LMLN: variants seen among roughly 807,000 people sequenced by gnomAD.
LMLN encodes the protein leishmanolysin like peptidase, also known as leishmanolysin-like peptidase.
A neutral mutation model predicts 92.3 loss-of-function variants in LMLN; 70 were observed. That is an observed-to-expected ratio of 0.76 (90% CI 0.63 to 0.92). The LOEUF (loss-of-function observed/expected upper bound fraction) is 0.92. LMLN is among the 40% of genes least tolerant of loss of function. LMLN has a pLI of 0.00. For synonymous variants in LMLN, 308 were observed against 296.2 expected (o/e 1.04, Z -0.41); for missense variants, 691 against 814.6 (o/e 0.85, Z 1.85).
At chr3:198,003,028 A>G in intron 11 of LMLN, 1 of 1,549,838 alleles carries the variant, frequency 6.5e-7, no homozygotes, top group East Asian at 2.4e-5. Flanking sequence ...GTATAAAGCA[A>G]ATTACAGCAT....
At chr3:198,030,943 G>A (rs1386018479) in intron 14 of LMLN, among the ~76,000 whole-genome samples, 1 of 150,602 alleles carries the variant, frequency 6.6e-6, no homozygotes, top group Non-Finnish European at 1.5e-5. Flanking sequence ...GACAGCGTGG[G>A]AAGGCGGGAC....
chr3:197,973,796 G>T (rs1721295365), intron 1 of LMLN, among the ~76,000 whole-genome samples: 1 of 152,178 alleles, frequency 6.6e-6, no homozygotes, highest in Non-Finnish European at 1.5e-5. Flanking sequence ...GTTGTCCATT[G>T]CTGGAATTAT....
Position 198,000,737 on chromosome 3 carries a change from G to A in LMLN, c.1232+1395G>A, listed in dbSNP as rs532192325. On this transcript the variant is annotated intron_variant, in intron 11 of 15. Coordinates refer to ENST00000330198, the Ensembl canonical transcript of LMLN. Reference sequence around the variant, plus strand: ...GCCACCGTGCCCAGCATATCTCATCGAGTTTTATGAGACTTAAATGAGTAA... The same window carrying A: ...GCCACCGTGCCCAGCATATCTCATCAAGTTTTATGAGACTTAAATGAGTAA... Among the ~76,000 whole-genome samples the A allele has an allele frequency of 6.6e-5, 10 of 152,070 alleles. No homozygotes were observed. In the South Asian group the frequency reaches 1.9e-3, roughly 28 times the overall value.
At chr3:198,013,083 A>T (rs1179952984) in intron 11 of LMLN, among the ~76,000 whole-genome samples, 5 of 135,016 alleles carry the variant, frequency 3.7e-5, no homozygotes, top group African/African-American at 1.5e-4. Context: ...AACTAGTCTG[A>T]CTTCTCTCCA....
chr3:197,984,944 C>T (rs1721661807), intron 7 of LMLN, among the ~76,000 whole-genome samples: 1 of 152,038 alleles, frequency 6.6e-6, no homozygotes, highest in Non-Finnish European at 1.5e-5. Context: ...TCCCAAAGTG[C>T]TGGGATTACA....
intron 11 of LMLN, among the ~76,000 whole-genome samples, chr3:198,012,943 G>C (rs143656947): frequency 9.2e-6 from 1 of 108,938 alleles, no homozygotes; most frequent in East Asian, 2.4e-4. Context: ...TGACTTCTCT[G>C]TACCCTTCAG....
chr3:197,973,045 G>T (rs1016449215), intron 1 of LMLN, among the ~76,000 whole-genome samples: 12 of 152,184 alleles, frequency 7.9e-5, no homozygotes, highest in Non-Finnish European at 1.8e-4. Context: ...TCAAGCCAAA[G>T]TTAGACTTGC....
chr3:197,997,813 G>T (rs6789082), intron 10 of LMLN, among the ~76,000 whole-genome samples: 29,664 of 152,094 alleles, frequency 0.2, 4,483 homozygotes, highest in African/African-American at 0.42. Context: ...TGTATACTTG[G>T]ATCTACCCAT....
intron 6 of LMLN, 162 bp downstream of exon 6, chr3:197,980,666 GT>G: frequency 3.4e-6 from 2 of 593,892 alleles, no homozygotes; most frequent in Non-Finnish European, 5.8e-6. Context: ...TTAGGAGACC[GT>G]GATTAGACTG....
chr3:197,986,576 A>G (rs1296215708), intron 8 of LMLN, among the ~76,000 whole-genome samples: 1 of 152,246 alleles, frequency 6.6e-6, no homozygotes, highest in African/African-American at 2.4e-5. Flanking sequence ...TTAATCTTGA[A>G]GTATGAATGA....
At chr3:198,016,713 A>G (rs1722651230) in intron 11 of LMLN, among the ~76,000 whole-genome samples, 1 of 152,100 alleles carries the variant, frequency 6.6e-6, no homozygotes, top group Non-Finnish European at 1.5e-5. Context: ...TTATAACATC[A>G]CCTAAGACCA....
intron 13 of LMLN, among the ~76,000 whole-genome samples, chr3:198,021,839 G>A (rs1001793653): frequency 5.9e-5 from 9 of 152,184 alleles, no homozygotes; most frequent in African/African-American, 2.2e-4. Flanking sequence ...TGTAGTAAGT[G>A]CTTACAATTG....
rs1433388859 is a variant in LMLN, at chr3:197,974,365, T to C, written c.220-12T>C. The C allele has an allele frequency of 7.0e-7, 1 of 1,435,114 alleles. No homozygotes were observed. Among genetic ancestry groups the C allele is most frequent in the Admixed American group, 1.9e-5 (1 of 53,992 alleles). The allele number at this position is 1,435,114 out of a possible 1,614,324, so 88.9% of individuals were successfully genotyped here. A position where few individuals can be genotyped will look rare whatever the true frequency, so the allele number is the denominator to read the frequency against. On this transcript the variant is annotated splice_polypyrimidine_tract_variant and intron_variant, in intron 1 of 15. Transcript: ENST00000330198. ...TGTCTTAAACAGTTTTCAAATCCGT[T>C]CCTTTTTTCAGGTCATAAATAAAGT...
At chr3:197,964,581 T>C (rs1163585653) in intron 1 of LMLN, among the ~76,000 whole-genome samples, 1 of 151,844 alleles carries the variant, frequency 6.6e-6, no homozygotes, top group Non-Finnish European at 1.5e-5. Flanking sequence ...GTATTTTTAG[T>C]GGAGATGGGG....
At chr3:198,000,917 TA>T (rs1480822482) in intron 11 of LMLN, among the ~76,000 whole-genome samples, 1 of 139,106 alleles carries the variant, frequency 7.2e-6, no homozygotes, top group Non-Finnish European at 1.5e-5. Context: ...TTATTTTTAT[TA>T]TTTTTTTTTA....
chr3:198,033,687 C>T (rs1723136939), intron 14 of LMLN, among the ~76,000 whole-genome samples: 1 of 152,232 alleles, frequency 6.6e-6, no homozygotes, highest in Non-Finnish European at 1.5e-5. Context: ...CAGGCATGAG[C>T]CGCTGTGCCC....
intron 11 of LMLN, among the ~76,000 whole-genome samples, chr3:198,015,009 C>T (rs1244648908): frequency 6.9e-6 from 1 of 145,082 alleles, no homozygotes; most frequent in Non-Finnish European, 1.5e-5. Flanking sequence ...ACTAGTCTGA[C>T]TTCTCTCCAC....
At chr3:198,022,573 T>C (rs1236331647) in intron 13 of LMLN, among the ~76,000 whole-genome samples, 2 of 152,232 alleles carry the variant, frequency 1.3e-5, no homozygotes, top group Non-Finnish European at 2.9e-5. Context: ...ATAAATGTCC[T>C]GGCCAGGCGC....
chr3:197,967,845 C>T (rs1721102741), intron 1 of LMLN, among the ~76,000 whole-genome samples: 1 of 152,146 alleles, frequency 6.6e-6, no homozygotes, highest in South Asian at 2.1e-4. Context: ...TTCCCAGGGT[C>T]TTAAATATTC....
Sources: allele counts gnomAD v4.1 joint callset (sites outside exome capture counted in the v4.1 genomes callset), GRCh38; gene constraint gnomAD v4.1.1; transcripts MANE v1.5; gene names NCBI Gene and HGNC (gene_info 2026-07-23, HGNC 2026-07-21).